The following PRKG2 variants were observed in gnomAD, a reference collection of about 807,000 sequenced individuals.
PRKG2 encodes cGMP-dependent protein kinase 2.
In PRKG2, 33 loss-of-function variants were observed where a neutral mutation model predicts 97.2. The ratio of observed to expected loss-of-function variants is 0.34; its 90% CI spans 0.26 to 0.45. PRKG2 has a LOEUF of 0.45. Among genes scored for constraint, PRKG2 ranks in the 20% least tolerant of loss-of-function variants. The pLI, the probability that PRKG2 is intolerant of heterozygous loss-of-function variation, is 1.00. For synonymous variants in PRKG2, 330 were observed against 321.8 expected (o/e 1.03, Z -0.27); for missense variants, 638 against 900.0 (o/e 0.71, Z 3.73).
chr4:81,217,069 T>TA (rs1754307666), upstream of PRKG2, among the ~76,000 whole-genome samples: 1 of 121,484 alleles, frequency 8.2e-6, no homozygotes, highest in Admixed American at 8.1e-5. Flanking sequence ...ATATATATAA[T>TA]ATAAAACCAC....
chr4:81,140,649 A>G lies in PRKG2; in HGVS notation c.1428T>C (p.Asn476=). The change falls in exon 12 of 19, where the codon AAT becomes AAC. Residue 476 remains asparagine (N), a synonymous_variant. Transcript: ENST00000264399. ...TTATACACTTCATAGCAAAAGCAAC[A>G]TTCTCATTTTTTACTTTAACCTATG... ...RVELVKVKNE[N]VAFAMKCIRK... is the part of the protein sequence containing the mutation. 5.6e-6 allele frequency: 9 copies of G among 1,608,718 alleles called. No individual in the cohort carries two copies. Among genetic ancestry groups the G allele is most frequent in the Non-Finnish European group, 6.8e-6 (8 of 1,175,818 alleles).
At chr4:81,181,310 G>C (rs1166632294) in intron 2 of PRKG2, among the ~76,000 whole-genome samples, 1 of 151,658 alleles carries the variant, frequency 6.6e-6, no homozygotes, top group Non-Finnish European at 1.5e-5. Context: ...CAAAAATTAA[G>C]TTATAAGAAA....
intron 5 of PRKG2, among the ~76,000 whole-genome samples, chr4:81,167,442 C>T (rs1750083807): frequency 6.6e-6 from 1 of 151,826 alleles, no homozygotes; most frequent in Admixed American, 6.6e-5. Context: ...CACAGGCAAA[C>T]AAATGAAAAT....
intron 2 of PRKG2, among the ~76,000 whole-genome samples, chr4:81,176,985 T>G (rs1750983452): frequency 6.6e-6 from 1 of 152,192 alleles, no homozygotes; most frequent in South Asian, 2.1e-4. Flanking sequence ...AACAAATTTT[T>G]TATTATAGAT....
chr4:81,092,557 A>G (rs973300795), intron 17 of PRKG2, 105 bp from the exon 18 acceptor site: 1 of 722,016 alleles, frequency 1.4e-6, no homozygotes, highest in African/African-American at 1.8e-5. Flanking sequence ...TTGGATGATA[A>G]ACTATTAGCA....
chr4:81,166,425 T>C (rs765357222), intron 6 of PRKG2, among the ~76,000 whole-genome samples: 2 of 152,098 alleles, frequency 1.3e-5, no homozygotes, highest in African/African-American at 2.4e-5. Context: ...TTCAATGAAA[T>C]TGACCCCCCA....
intron 4 of PRKG2, among the ~76,000 whole-genome samples, chr4:81,170,418 T>C (rs1750360642): frequency 6.6e-6 from 1 of 152,098 alleles, no homozygotes; most frequent in Non-Finnish European, 1.5e-5. Flanking sequence ...GATGAAATTG[T>C]GGTTGTACAA....
At chr4:81,089,866 G>C in intron 18 of PRKG2, 63 bp from the exon 19 acceptor site, 1 of 1,322,994 alleles carries the variant, frequency 7.6e-7, no homozygotes, top group South Asian at 1.3e-5. Flanking sequence ...TATCACATAT[G>C]GGTAATGTTT....
intron 6 of PRKG2, among the ~76,000 whole-genome samples, chr4:81,159,954 C>T (rs1749466229): frequency 1.8e-5 from 2 of 112,012 alleles, no homozygotes; most frequent in African/African-American, 3.6e-5. Flanking sequence ...CTCTGGGGAC[C>T]ATTGTGGGGT....
chr4:81,106,057 TCA>T (rs1440926015), intron 15 of PRKG2, 122 bp from the exon 16 acceptor site: 1 of 1,197,080 alleles, frequency 8.4e-7, no homozygotes, highest in African/African-American at 1.5e-5. Context: ...TCTCTCTGTC[TCA>T]GTTGTTTTAC....
chr4:81,140,602 G>T lies in PRKG2; in HGVS notation c.1475C>A (p.Thr492Asn). 5 of 1,612,930 alleles carry T rather than the reference G, an allele frequency of 3.1e-6. No homozygotes were observed. Among genetic ancestry groups the T allele is most frequent in the Non-Finnish European group, 4.2e-6 (5 of 1,179,140 alleles). The change falls in exon 12 of 19, where the codon ACC becomes AAC. Residue 492 changes from threonine (T) to asparagine (N), a missense_variant. Thr to Asn is a moderately conservative substitution (Grantham distance 65). Coordinates refer to ENST00000264399, the MANE Select transcript of PRKG2 (RefSeq NM_006259.3). ...TGAGTAGACATGCTCCTGCTGCTTG[G>T]TGTCAACTATGTGCTTCTTCCTTAT... Reference protein sequence around the residue: ...KCIRKKHIVDTKQQEHVYSEK... With the variant: ...KCIRKKHIVDNKQQEHVYSEK...
intron 2 of PRKG2, among the ~76,000 whole-genome samples, chr4:81,194,947 A>G (rs1453566006): frequency 1.3e-4 from 19 of 151,238 alleles, no homozygotes; most frequent in Admixed American, 1.2e-3. Flanking sequence ...CGCACCTATA[A>G]TCCATATGCC....
At chr4:81,099,524 A>G (rs1196704954) in intron 17 of PRKG2, among the ~76,000 whole-genome samples, 1 of 152,228 alleles carries the variant, frequency 6.6e-6, no homozygotes, top group South Asian at 2.1e-4. Context: ...GCTTCATGCT[A>G]AAAACTCTCA....
chr4:81,142,073 T>C (rs1166463585), intron 11 of PRKG2, among the ~76,000 whole-genome samples: 1 of 152,220 alleles, frequency 6.6e-6, no homozygotes, highest in African/African-American at 2.4e-5. Context: ...CAGAGCCATC[T>C]GTACCCAGTA....
At chr4:81,110,764 G>GAGAGAGAGACAGACAGAC (rs1553919021) in intron 14 of PRKG2, among the ~76,000 whole-genome samples, 153 bp from the exon 15 acceptor site, 134 of 146,320 alleles carry the variant, frequency 9.2e-4, no homozygotes, top group Admixed American at 1.6e-3. Context: ...GAGAGAGAGA[G>GAGAGAGAGACAGACAGAC]AGACAGACAG....
At chr4:81,090,604 T>A (rs902257132) in intron 18 of PRKG2, among the ~76,000 whole-genome samples, 8 of 152,140 alleles carry the variant, frequency 5.3e-5, no homozygotes, top group African/African-American at 1.9e-4. Context: ...ATAAAATGAT[T>A]TCTAACTCTG....
chr4:81,141,630 G>A (rs1260528378), intron 11 of PRKG2, among the ~76,000 whole-genome samples: 1 of 152,108 alleles, frequency 6.6e-6, no homozygotes, highest in Non-Finnish European at 1.5e-5. Context: ...ACTACATTGT[G>A]CAGAAATGGC....
At position 81,099,849 on chromosome 4, in the gene PRKG2, G is replaced by A. The variant is rs1360350036; in HGVS notation, c.2126+4521C>T. On this transcript the variant is annotated intron_variant, in intron 17 of 18. Transcript: ENST00000264399. ...AGCCCAAAATCTCCTTAAGCTCATA[G>A]GCAACTTCAGCAAAGTCTCAGGATA... Among the ~76,000 whole-genome samples the A allele has an allele frequency of 5.3e-5, 8 of 152,186 alleles. 1 individual carries two copies. Among genetic ancestry groups the A allele is most frequent in the African/African-American group, 1.9e-4 (8 of 41,542 alleles).
chr4:81,153,778 T>C lies in PRKG2; in HGVS notation c.913-57A>G, dbSNP rs190129367. ...AGCGGGTGGAGCCAAGATGGCCTAATAGGAACAGCTCCAGTATACAGCTCC... is the reference window on the plus strand; with the variant it reads ...AGCGGGTGGAGCCAAGATGGCCTAACAGGAACAGCTCCAGTATACAGCTCC... On this transcript the variant is annotated intron_variant, in intron 6 of 18. Transcript: ENST00000264399. The C allele has an allele frequency of 3.1e-5, 38 of 1,238,610 alleles. No homozygotes were observed. The East Asian group carries it at 7.2e-4, about 24-fold the overall frequency. 76.7% of individuals were successfully genotyped at this position (1,238,610 alleles called of 1,614,324 possible). A position where few individuals can be genotyped will look rare whatever the true frequency, so the allele number is the denominator to read the frequency against.
Sources: allele counts gnomAD v4.1 joint callset (sites outside exome capture counted in the v4.1 genomes callset), GRCh38; gene constraint gnomAD v4.1.1; transcripts MANE v1.5; gene names NCBI Gene and HGNC (gene_info 2026-07-23, HGNC 2026-07-21).